ARSG: variants seen among roughly 807,000 people sequenced by gnomAD.
The protein encoded by ARSG is ASG.
ARSG carries 37 observed loss-of-function variants against 50.5 expected under a neutral mutation model. That is an observed-to-expected ratio of 0.73 (90% CI 0.56 to 0.96). ARSG has a LOEUF of 0.96. Among genes scored for constraint, ARSG ranks in the 50% least tolerant of loss-of-function variants. The pLI is 0.00. For missense variants in ARSG, 629 were observed against 675.3 expected (o/e 0.93, Z 0.76); for synonymous variants, 225 against 254.6 (o/e 0.88, Z 1.11).
chr17:68,296,290 C>T (rs2076205321), intron 1 of ARSG, among the ~76,000 whole-genome samples: 2 of 152,164 alleles, frequency 1.3e-5, no homozygotes, highest in South Asian at 2.1e-4. Flanking sequence ...TGCCCTGTTC[C>T]TCAAGGCCCA....
intron 8 of ARSG, among the ~76,000 whole-genome samples, chr17:68,373,737 C>A (rs9904958): frequency 0.51 from 78,073 of 151,600 alleles, 21,560 homozygotes; most frequent in African/African-American, 0.72. Flanking sequence ...CTCTCTCTCT[C>A]TATATATATG....
In ARSG at chr17:68,355,387, T is replaced by G. The variant is rs528266155; in HGVS notation, c.567-1280T>G. ...TGTTGTTTTGTTTTGAGATGGAGTT[T>G]TGCTCTTGTCGCCCAGGCTGTAGTA... On this transcript the variant is annotated intron_variant, in intron 5 of 11. Coordinates refer to ENST00000621439, the MANE Select transcript of ARSG (RefSeq NM_001267727.2). Among the ~76,000 whole-genome samples, 219 of 152,328 alleles carry G rather than the reference T, an allele frequency of 1.4e-3. 2 individuals carry two copies. Among genetic ancestry groups the G allele is most frequent in the African/African-American group, 5.2e-3 (215 of 41,576 alleles).
chr17:68,341,775 A>G (rs1343127649), intron 2 of ARSG, among the ~76,000 whole-genome samples: 1 of 152,216 alleles, frequency 6.6e-6, no homozygotes, highest in Non-Finnish European at 1.5e-5. Context: ...AACAATGTCT[A>G]AAAAAGGACT....
At chr17:68,424,206 C>T (rs2082994791), downstream of ARSG, among the ~76,000 whole-genome samples, 1 of 152,170 alleles carries the variant, frequency 6.6e-6, no homozygotes, top group African/African-American at 2.4e-5. Flanking sequence ...AACTGCTCTC[C>T]GCCACTGAGA....
intron 2 of ARSG, among the ~76,000 whole-genome samples, chr17:68,308,727 C>G (rs1279616145): frequency 1.3e-5 from 2 of 152,196 alleles, no homozygotes; most frequent in Admixed American, 6.5e-5. Context: ...TGACAGGGTG[C>G]TGATTGGTGT....
chr17:68,436,738 C>T, the ARSG span, among the ~76,000 whole-genome samples: 1 of 152,230 alleles, frequency 6.6e-6, no homozygotes, highest in Non-Finnish European at 1.5e-5. Context: ...GGCACAGTGG[C>T]TCATGCCTGT....
Position 68,378,937 on chromosome 17 carries a change from G to T in ARSG, c.983-6127G>T. Among the ~76,000 whole-genome samples, 1 of 138,900 alleles carries T rather than the reference G, an allele frequency of 7.2e-6. No homozygotes were observed. Among genetic ancestry groups the T allele is most frequent in the African/African-American group, 2.6e-5 (1 of 39,048 alleles). 91.1% of individuals were successfully genotyped at this position (138,900 alleles called of 152,430 possible). A position where few individuals can be genotyped will look rare whatever the true frequency, so the allele number is the denominator to read the frequency against. On this transcript the variant is annotated intron_variant, in intron 8 of 11. Transcript: ENST00000621439. This position sits in a 1 kb window ranked among gnomAD's most constrained non-coding sequence, Gnocchi z 4.4. ...TTCTGTCCAGTTTGGGGTCGGGGGT[G>T]GGGCGGGGAAAAGTCAGAGGTGCTG...
At chr17:68,403,448 T>C (rs1282644115) in intron 11 of ARSG, among the ~76,000 whole-genome samples, 1 of 152,236 alleles carries the variant, frequency 6.6e-6, no homozygotes, top group African/African-American at 2.4e-5. Context: ...TTTTAATCCA[T>C]CAGTGAAAAC....
the ARSG span, chr17:68,429,987 T>G: frequency 6.2e-7 from 1 of 1,614,054 alleles, no homozygotes; most frequent in Non-Finnish European, 8.5e-7. Flanking sequence ...TGGGTGTCAT[T>G]GTACGTACGT....
chr17:68,310,112 T>G (rs1255213107), intron 2 of ARSG, among the ~76,000 whole-genome samples: 1 of 151,984 alleles, frequency 6.6e-6, no homozygotes, highest in East Asian at 2.0e-4. Flanking sequence ...TAGCTGGGAT[T>G]ACAGGTGTGT....
At chr17:68,331,001 C>T (rs1211866479) in intron 2 of ARSG, among the ~76,000 whole-genome samples, 17 of 83,504 alleles carry the variant, frequency 2.0e-4, no homozygotes, top group African/African-American at 5.4e-4. Context: ...AGGTGGTGGG[C>T]GGGGACAGAG....
At chr17:68,383,475 CTA>C (rs2080539002) in intron 8 of ARSG, among the ~76,000 whole-genome samples, 2 of 152,212 alleles carry the variant, frequency 1.3e-5, no homozygotes, top group African/African-American at 4.8e-5. Context: ...TTAAGCAAGA[CTA>C]TTTGAATAGT....
chr17:68,401,571 C>A, intron 11 of ARSG, 121 bp downstream of exon 11: 1 of 833,270 alleles, frequency 1.2e-6, no homozygotes, highest in South Asian at 1.8e-5. Context: ...GTTCTCAGCA[C>A]CTCTTGACAA....
At chr17:68,369,421 TCCCA>T (rs2079712562) in intron 7 of ARSG, among the ~76,000 whole-genome samples, 30 of 152,272 alleles carry the variant, frequency 2.0e-4, no homozygotes, top group Admixed American at 1.4e-3. Context: ...ACGCCTGTAG[TCCCA>T]GCTACTCTGG....
chr17:68,295,309 T>C (rs1208616272), intron 1 of ARSG, among the ~76,000 whole-genome samples: 1 of 152,136 alleles, frequency 6.6e-6, no homozygotes, highest in East Asian at 1.9e-4. Flanking sequence ...ATGATTGATT[T>C]CTGTCATACC....
chr17:68,291,478 C>G (rs1190593863), upstream of ARSG: 1 of 150,760 alleles, frequency 6.6e-6, no homozygotes, highest in Non-Finnish European at 1.5e-5. Context: ...AGGAGGGGGC[C>G]TGCCTGGCGC....
Position 68,302,297 on chromosome 17 carries a change from C to G in ARSG, c.-551-4646C>G, listed in dbSNP as rs562015820. On this transcript the variant is annotated intron_variant, in intron 1 of 11. Coordinates refer to ENST00000621439, the MANE Select transcript of ARSG (RefSeq NM_001267727.2). ...TCCACATCCCAGAGACCTGCTCCCC[C>G]CTGCTCTTTTGTCTTTTTTGGCCTC... Among the ~76,000 whole-genome samples, 27 of 152,264 alleles carry G rather than the reference C, an allele frequency of 1.8e-4. No homozygotes were observed. In the South Asian group the frequency reaches 2.7e-3, roughly 15 times the overall value.
intron 8 of ARSG, among the ~76,000 whole-genome samples, chr17:68,375,975 C>A (rs1158333602): frequency 1.3e-5 from 2 of 152,120 alleles, no homozygotes; most frequent in African/African-American, 4.8e-5. Flanking sequence ...AAATTTACAT[C>A]ACATAAAATT....
chr17:68,308,935 C>A (rs892047237), intron 2 of ARSG, among the ~76,000 whole-genome samples: 11 of 152,224 alleles, frequency 7.2e-5, no homozygotes, highest in Admixed American at 4.6e-4. Flanking sequence ...TTTGGGTGGT[C>A]GATGGGACTG....
Sources: allele counts gnomAD v4.1 joint callset (sites outside exome capture counted in the v4.1 genomes callset), GRCh38; gene constraint gnomAD v4.1.1; non-coding constraint Gnocchi (gnomAD v3.1); transcripts MANE v1.5; gene names NCBI Gene and HGNC (gene_info 2026-07-23, HGNC 2026-07-21).